Variants in TMEM267 observed in about 807,000 individuals in gnomAD.
The protein encoded by TMEM267 is transmembrane protein 267.
TMEM267 carries 20 observed loss-of-function variants against 19.3 expected under a neutral mutation model. The ratio of observed to expected loss-of-function variants is 1.04; its 90% CI spans 0.73 to 1.51. The LOEUF (loss-of-function observed/expected upper bound fraction) is 1.51, where lower values mean the gene tolerates loss of function less well. Ranked by LOEUF, TMEM267 falls within the 40% of genes most tolerant of loss-of-function variation. TMEM267 has a pLI of 0.00. For synonymous variants in TMEM267, 88 were observed against 90.3 expected (o/e 0.97, Z 0.15); for missense variants, 242 against 261.9 (o/e 0.92, Z 0.52).
intron 2 of TMEM267, among the ~76,000 whole-genome samples, chr5:43,448,936 TA>T (rs1387824342): frequency 6.7e-6 from 1 of 149,264 alleles, no homozygotes; most frequent in Non-Finnish European, 1.5e-5. Flanking sequence ...CATGGGGACA[TA>T]AAAAAATCTT....
chr5:43,480,830 T>C (rs1300834257), intron 1 of TMEM267, among the ~76,000 whole-genome samples: 1 of 116,670 alleles, frequency 8.6e-6, no homozygotes, highest in African/African-American at 3.7e-5. Context: ...TGAGACGGAG[T>C]CTTGCTCTGT....
rs754632792 is a variant in TMEM267, at chr5:43,453,880, G to A, written c.90C>T (p.Cys30=). The A allele has an allele frequency of 3.0e-5, 48 of 1,613,876 alleles. No homozygotes were observed. Among genetic ancestry groups the A allele is most frequent in the Middle Eastern group, 1.6e-4 (1 of 6,084 alleles). ...LISSLGLGAF[C]LVADRLLQFS... ...ACTGAAGAAGTCTGTCAGCTACGAG[G>A]CAAAATGCCCCCAGACCAAGGCTGG... The change falls in exon 2 of 3, where the codon TGC becomes TGT. Residue 30 remains cysteine, a synonymous_variant. Coordinates refer to ENST00000397080, the MANE Select transcript of TMEM267 (RefSeq NM_022483.5).
At chr5:43,457,779 AAAATT>A (rs1289643476) in intron 1 of TMEM267, among the ~76,000 whole-genome samples, 5 of 152,272 alleles carry the variant, frequency 3.3e-5, no homozygotes, top group Admixed American at 6.5e-5. Context: ...TTTATTTTAA[AAAATT>A]AAATAAATGA....
chr5:43,476,218 G>A (rs1022083017), intron 1 of TMEM267: 4 of 152,322 alleles, frequency 2.6e-5, no homozygotes, highest in Admixed American at 2.6e-4. Context: ...CTCTGACATC[G>A]AAAGTGTCAT....
At chr5:43,467,417 C>A (rs1743806201) in intron 1 of TMEM267, among the ~76,000 whole-genome samples, 1 of 151,426 alleles carries the variant, frequency 6.6e-6, no homozygotes, top group African/African-American at 2.4e-5. Context: ...TAATGGAAGC[C>A]AAAAAAGAGC....
intron 1 of TMEM267, among the ~76,000 whole-genome samples, chr5:43,482,850 A>C (rs1362830993): frequency 6.6e-6 from 1 of 152,218 alleles, no homozygotes; most frequent in Non-Finnish European, 1.5e-5. Context: ...TGGTCACTTT[A>C]ATTATACGCT....
chr5:43,475,417 C>T (rs1744356742), intron 1 of TMEM267, among the ~76,000 whole-genome samples: 1 of 152,052 alleles, frequency 6.6e-6, no homozygotes, highest in African/African-American at 2.4e-5. Flanking sequence ...GGAGAAATAC[C>T]TAATGTAGAT....
At chr5:43,466,339 T>C (rs1743670973) in intron 1 of TMEM267, among the ~76,000 whole-genome samples, 1 of 152,136 alleles carries the variant, frequency 6.6e-6, no homozygotes, top group Non-Finnish European at 1.5e-5. Flanking sequence ...TAGGAGACAG[T>C]GGTATGACAT....
intron 1 of TMEM267, among the ~76,000 whole-genome samples, chr5:43,469,866 T>C (rs1214192904): frequency 6.6e-6 from 1 of 152,212 alleles, no homozygotes; most frequent in East Asian, 1.9e-4. Flanking sequence ...TTCCACCCAA[T>C]TTCACCCTGG....
chr5:43,464,586 T>C (rs1254146579), intron 1 of TMEM267, among the ~76,000 whole-genome samples: 2 of 152,272 alleles, frequency 1.3e-5, no homozygotes, highest in Non-Finnish European at 2.9e-5. Context: ...CAAAACAGCA[T>C]GGTACTGGTA....
chr5:43,446,555 AG>A lies in TMEM267; in HGVS notation c.314del (p.Ala105ValfsTer3). ...AAGGTCTTCGCGGGAGAGTCAAAGC[AG>A]CCTGAGGGAGCAAAGTAATAGCGAG... Reference protein sequence around the residue: ...FFLAGSMSLKAALTLPRRPFL... With the variant: ...FFLAGSMSLKXALTLPRRPFL... On this transcript the variant is annotated frameshift_variant and splice_region_variant, in exon 3 of 3. Coordinates refer to ENST00000397080, the MANE Select transcript of TMEM267 (RefSeq NM_022483.5). LOFTEE classifies it high-confidence loss of function. The A allele has an allele frequency of 6.3e-7, 1 of 1,594,656 alleles. No homozygotes were observed.
At chr5:43,481,109 T>A (rs1744738705) in intron 1 of TMEM267, among the ~76,000 whole-genome samples, 1 of 126,368 alleles carries the variant, frequency 7.9e-6, no homozygotes, top group African/African-American at 3.3e-5. Context: ...CGGCTTACTT[T>A]TTTTTTTTTT....
At chr5:43,477,700 T>A (rs1206892502) in intron 1 of TMEM267, among the ~76,000 whole-genome samples, 2 of 152,094 alleles carry the variant, frequency 1.3e-5, no homozygotes, top group Non-Finnish European at 2.9e-5. Context: ...GTATTTCCAA[T>A]GGCATTGCTG....
chr5:43,466,019 T>G (rs1321365280), intron 1 of TMEM267, among the ~76,000 whole-genome samples: 1 of 151,890 alleles, frequency 6.6e-6, no homozygotes, highest in Non-Finnish European at 1.5e-5. Context: ...ATAAACTTTT[T>G]AAAACTTTAA....
At position 43,474,871 on chromosome 5, in the gene TMEM267, G is replaced by C. The variant is rs191412495; in HGVS notation, c.-75+8951C>G. 2.9e-3 allele frequency among the ~76,000 whole-genome samples: 442 copies of C among 152,200 alleles called. 1 individual carries two copies. The highest frequency in any genetic ancestry group is 5.2e-3 in the Non-Finnish European group (354 of 68,002). On this transcript the variant is annotated intron_variant, in intron 1 of 2. Coordinates refer to ENST00000397080, the MANE Select transcript of TMEM267 (RefSeq NM_022483.5). Reference sequence around the variant, plus strand: ...AGAATGGCGATCATTAAAAAGTCAGGAAACAACAGATGCTGGAGAGGATGT... The same window carrying C: ...AGAATGGCGATCATTAAAAAGTCAGCAAACAACAGATGCTGGAGAGGATGT...
chr5:43,463,648 A>G (rs1174382831), intron 1 of TMEM267, among the ~76,000 whole-genome samples: 2 of 152,230 alleles, frequency 1.3e-5, no homozygotes, highest in African/African-American at 4.8e-5. Context: ...GGCTGGTTCA[A>G]TATACTCAAA....
chr5:43,468,974 G>C (rs575312058), intron 1 of TMEM267, among the ~76,000 whole-genome samples: 1 of 152,168 alleles, frequency 6.6e-6, no homozygotes, highest in Non-Finnish European at 1.5e-5. Flanking sequence ...TGAATGACCA[G>C]TGGGTCAATG....
intron 1 of TMEM267, among the ~76,000 whole-genome samples, chr5:43,471,588 A>G (rs1471484493): frequency 6.6e-6 from 1 of 152,180 alleles, no homozygotes; most frequent in Non-Finnish European, 1.5e-5. Flanking sequence ...CTGACATAAA[A>G]ACAGACACAT....
chr5:43,449,807 T>C (rs1333985881), intron 2 of TMEM267, among the ~76,000 whole-genome samples: 3 of 152,216 alleles, frequency 2.0e-5, no homozygotes, highest in Non-Finnish European at 4.4e-5. Flanking sequence ...AAGGAGCCTA[T>C]GGTAATCACT....
Sources: allele counts gnomAD v4.1 joint callset (sites outside exome capture counted in the v4.1 genomes callset), GRCh38; gene constraint gnomAD v4.1.1; transcripts MANE v1.5; gene names NCBI Gene and HGNC (gene_info 2026-07-23, HGNC 2026-07-21).